Variants in CNBD1 observed in about 807,000 individuals in gnomAD.
CNBD1 encodes cyclic nucleotide binding domain containing 1.
CNBD1 carries 71 observed loss-of-function variants against 54.4 expected under a neutral mutation model. That is an observed-to-expected ratio of 1.30 (90% CI 1.08 to 1.59). CNBD1 has a LOEUF of 1.59. Ranked by LOEUF, CNBD1 falls within the 40% of genes most tolerant of loss-of-function variation. The probability of loss-of-function intolerance (pLI) is 0.00; values close to 1 mark genes in which losing one functional copy is unlikely to be tolerated. For synonymous variants in CNBD1, 182 were observed against 170.7 expected, an observed-to-expected ratio of 1.07 and a Z score of -0.51; for missense variants, 659 against 518.0, an observed-to-expected ratio of 1.27 and a Z score of -2.64.
At position 87,163,771 on chromosome 8, in the gene CNBD1, CT is replaced by C. The variant is rs1812906328; in HGVS notation, c.432-42219del. Among the ~76,000 whole-genome samples, 1 of 151,382 alleles carries C rather than the reference CT, an allele frequency of 6.6e-6. No individual in the cohort carries two copies. Among genetic ancestry groups the C allele is most frequent in the African/African-American group, 2.4e-5 (1 of 41,286 alleles). ...TGTCATCTGCAAAAAGATAATTTTA[CT>C]TTCTTATTTGGATGTCTTTAATTTC... is the stretch of plus-strand genomic sequence containing the variant. On this transcript the variant is annotated intron_variant, in intron 4 of 10. Transcript: ENST00000518476. The surrounding 1 kb of genome is among the most constrained non-coding windows in gnomAD (Gnocchi z 4.5).
At chr8:86,983,034 G>T (rs904596278) in intron 4 of CNBD1, among the ~76,000 whole-genome samples, 1 of 152,174 alleles carries the variant, frequency 6.6e-6, no homozygotes, top group African/African-American at 2.4e-5. Flanking sequence ...GTTCAGGTTT[G>T]TTACATGGGC....
chr8:87,342,931 A>G (rs543588168), intron 8 of CNBD1, among the ~76,000 whole-genome samples: 5 of 152,246 alleles, frequency 3.3e-5, no homozygotes, highest in Non-Finnish European at 5.9e-5. Context: ...ACCAGGCTGG[A>G]ATTTCCCAAT....
At chr8:86,982,775 CT>C (rs1435629244) in intron 4 of CNBD1, among the ~76,000 whole-genome samples, 1 of 152,046 alleles carries the variant, frequency 6.6e-6, no homozygotes, top group Non-Finnish European at 1.5e-5. Flanking sequence ...TCTAAGTCCC[CT>C]CTGTCTATGT....
intron 3 of CNBD1, among the ~76,000 whole-genome samples, chr8:86,925,711 T>C (rs1224357679): frequency 1.4e-5 from 2 of 138,322 alleles, no homozygotes; most frequent in Non-Finnish European, 3.1e-5. Flanking sequence ...TGAAACACCC[T>C]CTCTACTGAA....
intron 2 of CNBD1, among the ~76,000 whole-genome samples, chr8:86,901,086 AGT>A (rs1475691939): frequency 6.6e-6 from 1 of 152,174 alleles, no homozygotes; most frequent in African/African-American, 2.4e-5. Context: ...GAAACTTTGT[AGT>A]GGCCTAATGT....
chr8:87,379,920 A>G (rs78681317), intron 10 of CNBD1, among the ~76,000 whole-genome samples: 1,654 of 150,276 alleles, frequency 0.011, 37 homozygotes, highest in African/African-American at 0.038. Context: ...ATACTTAAAT[A>G]TGACCAAATG....
intron 2 of CNBD1, among the ~76,000 whole-genome samples, chr8:87,422,434 T>C (rs951056684): frequency 4.0e-5 from 6 of 150,278 alleles, no homozygotes; most frequent in Non-Finnish European, 5.9e-5. Context: ...TTAATCCATC[T>C]TGAATTGATT....
At chr8:86,941,295 A>G (rs1226948133) in intron 4 of CNBD1, among the ~76,000 whole-genome samples, 2 of 152,250 alleles carry the variant, frequency 1.3e-5, no homozygotes, top group Non-Finnish European at 2.9e-5. Context: ...CAACTAGAAT[A>G]TGCTCACTAA....
At chr8:87,291,586 T>C (rs1022748819) in intron 8 of CNBD1, among the ~76,000 whole-genome samples, 7 of 152,080 alleles carry the variant, frequency 4.6e-5, no homozygotes, top group African/African-American at 1.7e-4. Flanking sequence ...TGGGTCAGAT[T>C]TGGTCCGCGG....
intron 6 of CNBD1, among the ~76,000 whole-genome samples, chr8:87,238,006 T>C (rs1160302304): frequency 2.0e-5 from 3 of 152,148 alleles, no homozygotes; most frequent in Admixed American, 6.6e-5. Flanking sequence ...GCTATTTTAG[T>C]CTGCTCTAGC....
intron 4 of CNBD1, among the ~76,000 whole-genome samples, chr8:86,995,343 T>G (rs776426524): frequency 2.0e-5 from 3 of 152,238 alleles, no homozygotes; most frequent in Non-Finnish European, 4.4e-5. Flanking sequence ...TACTCGATTC[T>G]GCATTATACT....
In CNBD1 at chr8:87,091,797, AT is replaced by A. The variant is rs11451097; in HGVS notation, c.432-114187del. Among the ~76,000 whole-genome samples the A allele has an allele frequency of 1.5e-3, 225 of 151,278 alleles. 2 individuals carry two copies. The highest frequency in any genetic ancestry group is 5.0e-3 in the African/African-American group (205 of 41,248). ...AAGGAGGTAGAGCAATTTTACATAA[AT>A]TTTTTTTTGCATTAAAGGTGGCATT... is the stretch of plus-strand genomic sequence containing the variant. On this transcript the variant is annotated intron_variant, in intron 4 of 10. Coordinates refer to ENST00000518476, the MANE Select transcript of CNBD1 (RefSeq NM_173538.3).
At chr8:87,129,584 G>C (rs1812074216) in intron 4 of CNBD1, among the ~76,000 whole-genome samples, 1 of 151,816 alleles carries the variant, frequency 6.6e-6, no homozygotes, top group Non-Finnish European at 1.5e-5. Flanking sequence ...TATTTTATTA[G>C]TTTTTCCTCT....
At chr8:86,969,230 T>C (rs1446826211) in intron 4 of CNBD1, among the ~76,000 whole-genome samples, 1 of 152,202 alleles carries the variant, frequency 6.6e-6, no homozygotes, top group Non-Finnish European at 1.5e-5. Context: ...TTGAGTCTTA[T>C]TGTGTTTTTT....
At chr8:87,004,239 G>A (rs1190487969) in intron 4 of CNBD1, among the ~76,000 whole-genome samples, 1 of 152,108 alleles carries the variant, frequency 6.6e-6, no homozygotes, top group Admixed American at 6.6e-5. Flanking sequence ...GCCTCAGGAA[G>A]CTTTCATTCA....
At chr8:86,873,314 T>A (rs1808468269) in intron 1 of CNBD1, among the ~76,000 whole-genome samples, 1 of 151,898 alleles carries the variant, frequency 6.6e-6, no homozygotes, top group African/African-American at 2.4e-5. Flanking sequence ...TTGATCAGGC[T>A]TGTCTCAAAC....
chr8:87,240,364 C>A (rs1037343711), intron 6 of CNBD1, among the ~76,000 whole-genome samples: 3 of 152,096 alleles, frequency 2.0e-5, no homozygotes, highest in Non-Finnish European at 4.4e-5. Flanking sequence ...ATTCAACAGG[C>A]AGGGCCCAGT....
At chr8:87,100,494 T>G (rs1265877276) in intron 4 of CNBD1, among the ~76,000 whole-genome samples, 1 of 152,140 alleles carries the variant, frequency 6.6e-6, no homozygotes, top group African/African-American at 2.4e-5. Flanking sequence ...TTGTTTGTTT[T>G]TGGAGACAGA....
chr8:87,219,395 A>G (rs191856344), intron 5 of CNBD1, among the ~76,000 whole-genome samples: 1 of 152,156 alleles, frequency 6.6e-6, no homozygotes, highest in Non-Finnish European at 1.5e-5. Context: ...TTACACAGAG[A>G]TGTGTAAAGT....
Sources: gnomAD v4.1 joint callset for allele counts (sites outside exome capture counted in the v4.1 genomes callset) on GRCh38, gnomAD v4.1.1 for gene constraint, Gnocchi (gnomAD v3.1) non-coding constraint, MANE v1.5 for transcripts, NCBI Gene and HGNC (gene_info 2026-07-23, HGNC 2026-07-21) for gene names.